HPGDS: variants seen among roughly 807,000 people sequenced by gnomAD.
The protein encoded by HPGDS is GST class-sigma.
Under a neutral mutation model 23.1 loss-of-function variants are expected in HPGDS, and 26 were observed. The observed-to-expected ratio is 1.13, with a 90% CI of 0.83 to 1.56. HPGDS has a LOEUF of 1.56. Among genes scored for constraint, HPGDS ranks in the 40% most tolerant of loss-of-function variants. The pLI, the probability that HPGDS is intolerant of heterozygous loss-of-function variation, is 0.00. For synonymous variants in HPGDS, 95 were observed against 77.9 expected (o/e 1.22, Z -1.16); for missense variants, 268 against 236.4 (o/e 1.13, Z -0.88).
chr4:94,341,463 C>A (rs191605147), intron 1 of HPGDS, among the ~76,000 whole-genome samples: 1 of 152,254 alleles, frequency 6.6e-6, no homozygotes, highest in East Asian at 1.9e-4. Flanking sequence ...ATAAAGACTT[C>A]AGCCGAAATA....
Position 94,313,840 on chromosome 4 carries a change from T to G in HPGDS, c.226+4033A>C, listed in dbSNP as rs1311229017. Among the ~76,000 whole-genome samples the G allele has an allele frequency of 3.3e-5, 5 of 152,310 alleles. No individual in the cohort carries two copies. The East Asian group carries it at 9.7e-4, about 29-fold the overall frequency. Reference sequence around the variant, plus strand: ...TTCTTGGAGGCTTTGTTCATTTCTTTTTATTCTTTTTTCTCTAAACTTCTC... The same window carrying G: ...TTCTTGGAGGCTTTGTTCATTTCTTGTTATTCTTTTTTCTCTAAACTTCTC... On this transcript the variant is annotated intron_variant, in intron 3 of 5. Coordinates refer to ENST00000295256, the MANE Select transcript of HPGDS (RefSeq NM_014485.3).
rs776276332 is a variant in HPGDS, at chr4:94,317,910, CTGG to C, written c.186_188del (p.His62del). On this transcript the variant is annotated inframe_deletion, in exon 3 of 6. Coordinates refer to ENST00000295256, the MANE Select transcript of HPGDS (RefSeq NM_014485.3). ...TCAAATATCTTGCTATTGCTAGGCT[CTGG>C]TGAAGAGTAAGTCCATCAACTTCCA... 7 of 1,612,280 alleles carry C rather than the reference CTGG, an allele frequency of 4.3e-6. No homozygotes were observed. The highest frequency in any genetic ancestry group is 5.9e-6 in the Non-Finnish European group (7 of 1,179,112).
At chr4:94,311,643 C>T (rs1394618487) in intron 3 of HPGDS, among the ~76,000 whole-genome samples, 3 of 151,374 alleles carry the variant, frequency 2.0e-5, no homozygotes, top group Non-Finnish European at 4.4e-5. Flanking sequence ...CAGGATGATG[C>T]TGGCCTCATA....
chr4:94,326,816 G>A, intron 2 of HPGDS, among the ~76,000 whole-genome samples: 1 of 152,022 alleles, frequency 6.6e-6, no homozygotes, highest in East Asian at 1.9e-4. Flanking sequence ...TGTGTATCTG[G>A]TATAGTAGTC....
intron 3 of HPGDS, among the ~76,000 whole-genome samples, chr4:94,312,141 A>G (rs1471792784): frequency 6.6e-6 from 1 of 151,904 alleles, no homozygotes; most frequent in Non-Finnish European, 1.5e-5. Context: ...TATCTCCTTC[A>G]GTTCTGCTCT....
chr4:94,310,634 A>G (rs1316052392), intron 3 of HPGDS, among the ~76,000 whole-genome samples: 5 of 152,072 alleles, frequency 3.3e-5, no homozygotes, highest in African/African-American at 1.2e-4. Context: ...TTTTGGTTCC[A>G]TATGAACTTT....
rs1756592338 is a variant in HPGDS, at chr4:94,324,631, A to G, written c.134-6666T>C. 3.3e-5 allele frequency among the ~76,000 whole-genome samples: 5 copies of G among 152,244 alleles called. No homozygotes were observed. In the South Asian group the frequency reaches 1.0e-3, roughly 32 times the overall value. On this transcript the variant is annotated intron_variant, in intron 2 of 5. Coordinates refer to ENST00000295256, the MANE Select transcript of HPGDS (RefSeq NM_014485.3). ...CATCAAGTCATTTAAGGTCTTCTCT[A>G]CACTGTTTATTCTAATTAACCATTC...
At chr4:94,333,622 T>A (rs1756769434) in intron 2 of HPGDS, among the ~76,000 whole-genome samples, 1 of 152,216 alleles carries the variant, frequency 6.6e-6, no homozygotes, top group Non-Finnish European at 1.5e-5. Context: ...CTAACCATCA[T>A]GAACTTTAAG....
At chr4:94,332,705 C>T (rs573100584) in intron 2 of HPGDS, among the ~76,000 whole-genome samples, 2 of 152,352 alleles carry the variant, frequency 1.3e-5, no homozygotes, top group South Asian at 4.1e-4. Flanking sequence ...AAAAATTCTC[C>T]ATCAACATTT....
At chr4:94,331,492 A>T (rs1579446986) in intron 2 of HPGDS, among the ~76,000 whole-genome samples, 1 of 152,174 alleles carries the variant, frequency 6.6e-6, no homozygotes. Flanking sequence ...AACTACCTGT[A>T]AGCTCAGTGT....
chr4:94,338,907 G>A (rs1286349683), intron 1 of HPGDS, among the ~76,000 whole-genome samples: 1 of 152,132 alleles, frequency 6.6e-6, no homozygotes, highest in Admixed American at 6.5e-5. Flanking sequence ...GACCAAAATA[G>A]CCAAGACAAA....
chr4:94,316,384 A>G (rs1254150992), intron 3 of HPGDS, among the ~76,000 whole-genome samples: 1 of 149,404 alleles, frequency 6.7e-6, no homozygotes, highest in Non-Finnish European at 1.5e-5. Flanking sequence ...TACATCCACA[A>G]ATTTTTCGTA....
At chr4:94,335,743 T>C (rs1458770348) in intron 1 of HPGDS, among the ~76,000 whole-genome samples, 2 of 152,182 alleles carry the variant, frequency 1.3e-5, no homozygotes, top group Non-Finnish European at 2.9e-5. Flanking sequence ...AGATAAATAA[T>C]AATTATGGTA....
chr4:94,313,779 C>G (rs1409761424), intron 3 of HPGDS, among the ~76,000 whole-genome samples: 1 of 152,202 alleles, frequency 6.6e-6, no homozygotes, highest in Non-Finnish European at 1.5e-5. Flanking sequence ...GTACACCAAT[C>G]AGACGTAGAT....
chr4:94,317,256 T>C (rs11932606), intron 3 of HPGDS, among the ~76,000 whole-genome samples: 2,470 of 151,976 alleles, frequency 0.016, 55 homozygotes, highest in African/African-American at 0.055. Context: ...TGAGAATAGT[T>C]TGAGGGAAGA....
intron 2 of HPGDS, among the ~76,000 whole-genome samples, chr4:94,322,574 T>G (rs961131376): frequency 6.6e-6 from 1 of 152,234 alleles, no homozygotes; most frequent in African/African-American, 2.4e-5. Context: ...TATTCTCTGA[T>G]GGTAGTTTGT....
intron 5 of HPGDS, among the ~76,000 whole-genome samples, chr4:94,300,253 TA>T (rs1756015022): frequency 6.6e-6 from 1 of 152,242 alleles, no homozygotes; most frequent in African/African-American, 2.4e-5. Context: ...TATTTGTGGC[TA>T]AAATACATTA....
At chr4:94,304,513 A>G (rs1756105125) in intron 4 of HPGDS, among the ~76,000 whole-genome samples, 1 of 152,084 alleles carries the variant, frequency 6.6e-6, no homozygotes. Flanking sequence ...TATATTCACT[A>G]TCCATCTTAA....
At chr4:94,319,256 T>C (rs1756456755) in intron 2 of HPGDS, among the ~76,000 whole-genome samples, 1 of 152,238 alleles carries the variant, frequency 6.6e-6, no homozygotes, top group Non-Finnish European at 1.5e-5. Flanking sequence ...AATTGACCAC[T>C]TTATTATTAT....
Sources: allele counts gnomAD v4.1 joint callset (sites outside exome capture counted in the v4.1 genomes callset), GRCh38; gene constraint gnomAD v4.1.1; transcripts MANE v1.5; gene names NCBI Gene and HGNC (gene_info 2026-07-23, HGNC 2026-07-21).